Variants in EP400 observed in about 807,000 individuals in gnomAD.
EP400 encodes the protein E1A binding protein p400, also known as E1A-binding protein p400.
A neutral mutation model predicts 354.1 loss-of-function variants in EP400; 105 were observed. The observed-to-expected ratio is 0.30, with a 90% confidence interval of 0.25 to 0.35. The LOEUF (loss-of-function observed/expected upper bound fraction) is 0.35, where lower values mean the gene tolerates loss of function less well. Ranked by LOEUF, EP400 falls within the 10% of genes least tolerant of loss-of-function variation. The probability of loss-of-function intolerance (pLI) is 1.00; values close to 1 mark genes in which losing one functional copy is unlikely to be tolerated. For missense variants in EP400, 3,280 were observed against 4,121.0 expected (o/e 0.80, Z 5.59); for synonymous variants, 1,646 against 1,716.9 (o/e 0.96, Z 1.02).
chr12:132,024,372 C>G (rs998204326), intron 24 of EP400, among the ~76,000 whole-genome samples: 3 of 152,140 alleles, frequency 2.0e-5, no homozygotes, highest in African/African-American at 7.2e-5. Flanking sequence ...GACCCCATCT[C>G]TAAGTAATAG....
In EP400 at chr12:131,960,789, A is replaced by G. The variant is rs755655759; in HGVS notation, c.170A>G (p.Gln57Arg). 2.5e-6 allele frequency: 4 copies of G among 1,608,662 alleles called. No homozygotes were observed. The South Asian group carries it at 3.3e-5, about 13-fold the overall frequency. The change falls in exon 2 of 53, where the codon CAA (glutamine) becomes CGA (arginine). Residue 57 changes from glutamine (Q) to arginine (R), a missense_variant. This residue lies in a region of EP400 where 172 missense variants were observed against 242.9 expected (regional missense o/e 0.71). Coordinates refer to ENST00000389561, the MANE Select transcript of EP400 (RefSeq NM_015409.5). The stretch of plus-strand genomic sequence containing the variant: ...TCGGCACCCCAGTCTCCCAGTTATC[A>G]AATACAGCAGCTGATGAATAGGAGC... ...SPSAPQSPSY[Q>R]IQQLMNRSPA... is the part of the protein sequence containing the mutation.
chr12:132,025,627 A>G lies in EP400; in HGVS notation c.4856-19A>G, dbSNP rs1262683854. On this transcript the variant is annotated intron_variant, in intron 24 of 52. Transcript: ENST00000389561. This position sits in a 1 kb window ranked among gnomAD's most constrained non-coding sequence, Gnocchi z 4.1. ...GTACACATGCCTGTCATTGACACCT[A>G]GTGGACCTATGATTGCAGGCAGCGT... The G allele has an allele frequency of 1.3e-6, 2 of 1,582,560 alleles. No homozygotes were observed. Among genetic ancestry groups the G allele is most frequent in the Non-Finnish European group, 1.7e-6 (2 of 1,164,140 alleles).
In EP400 at chr12:132,037,775, C is replaced by T. The variant is rs544612491; in HGVS notation, c.6045C>T (p.Ser2015=). ...REVAAQGNDY[S]MAFLTQRTIQ... ...TGGCTGCTCAGGGAAATGACTACTC[C>T]ATGGCTTTCTTAACTCAGGTACTCC... The change falls in exon 31 of 53, where the codon TCC becomes TCT. Residue 2015 remains serine, a synonymous_variant. Coordinates refer to ENST00000389561, the MANE Select transcript of EP400 (RefSeq NM_015409.5). 1 of 1,614,188 alleles carries T rather than the reference C, an allele frequency of 6.2e-7. No individual in the cohort carries two copies. The highest frequency in any genetic ancestry group is 1.3e-5 in the African/African-American group (1 of 75,044).
In EP400 at chr12:132,008,278, G is replaced by A. The variant is rs141625910; in HGVS notation, c.3304+1401G>A. The stretch of plus-strand genomic sequence containing the variant: ...GTTCTTCTTAACAGTTCCCTTCTAA[G>A]CTGTTTGCATAGTTTGCCACAGCAC... On this transcript the variant is annotated intron_variant, in intron 15 of 52. Coordinates refer to ENST00000389561, the MANE Select transcript of EP400 (RefSeq NM_015409.5). Among the ~76,000 whole-genome samples, 305 of 152,290 alleles carry A rather than the reference G, an allele frequency of 2.0e-3. 1 individual carries two copies. The highest frequency in any genetic ancestry group is 6.9e-3 in the African/African-American group (288 of 41,566).
intron 1 of EP400, among the ~76,000 whole-genome samples, chr12:131,959,729 G>T (rs931271514): frequency 6.6e-6 from 1 of 152,152 alleles, no homozygotes; most frequent in African/African-American, 2.4e-5. Flanking sequence ...TCTTCTCTTC[G>T]TGTGTTCTTA....
In EP400 at chr12:132,027,120, C is replaced by T. The variant is rs1044475992; in HGVS notation, c.5015-317C>T. Among the ~76,000 whole-genome samples, 10 of 152,200 alleles carry T rather than the reference C, an allele frequency of 6.6e-5. No individual in the cohort carries two copies. The highest frequency in any genetic ancestry group is 1.4e-4 in the African/African-American group (6 of 41,534). On this transcript the variant is annotated intron_variant, in intron 25 of 52. Coordinates refer to ENST00000389561, the MANE Select transcript of EP400 (RefSeq NM_015409.5). The surrounding 1 kb of genome is among the most constrained non-coding windows in gnomAD (Gnocchi z 4.9). ...GATGGCGATGGGGTACCCAGGGCCT[C>T]GGAGGTGTGCTGGGATGCTTCTGGG...
Position 132,030,171 on chromosome 12 carries a change from T to C in EP400, c.5754+13T>C. On this transcript the variant is annotated intron_variant, in intron 29 of 52. Coordinates refer to ENST00000389561, the MANE Select transcript of EP400 (RefSeq NM_015409.5). Reference sequence around the variant, plus strand: ...TGAGCAACGGCAGGTGAGAAGCACATTGTTTACATTGTCTCTGATGGGTCA... The same window carrying C: ...TGAGCAACGGCAGGTGAGAAGCACACTGTTTACATTGTCTCTGATGGGTCA... 6.2e-7 allele frequency: 1 copy of C among 1,613,792 alleles called. No individual in the cohort carries two copies.
At chr12:132,030,182 G>T (rs992628054) in intron 29 of EP400, 24 bp downstream of exon 29, 2 of 1,612,930 alleles carry the variant, frequency 1.2e-6, no homozygotes, top group Non-Finnish European at 1.7e-6. Flanking sequence ...TGTTTACATT[G>T]TCTCTGATGG....
intron 5 of EP400, among the ~76,000 whole-genome samples, chr12:131,984,375 C>G (rs1892783891): frequency 6.6e-6 from 1 of 152,054 alleles, no homozygotes; most frequent in Non-Finnish European, 1.5e-5. Flanking sequence ...GAGGTAGAAT[C>G]TTTACTATCT....
At chr12:132,060,774 C>T (rs1465596621) in intron 45 of EP400, among the ~76,000 whole-genome samples, 4 of 151,966 alleles carry the variant, frequency 2.6e-5, no homozygotes, top group Admixed American at 6.6e-5. Context: ...ATTAGCTGGG[C>T]GTGGTGGCAC....
Position 131,990,023 on chromosome 12 carries a change from G to A in EP400, c.2469G>A (p.Lys823=). ...AGCAGCTCCGTGAAGAAAGGGGGAA[G>A]AAGGAAGAGCAGAGCAGACTGAGGC... ...EEKQLREERG[K]KEEQSRLRRI... is the part of the protein sequence containing the mutation. Residue 823 remains lysine (K), a synonymous_variant, in exon 8 of 53, where the codon AAG becomes AAA. Coordinates refer to ENST00000389561, the MANE Select transcript of EP400 (RefSeq NM_015409.5). The surrounding 1 kb of genome is among the most constrained non-coding windows in gnomAD (Gnocchi z 4.2). The A allele has an allele frequency of 6.2e-7, 1 of 1,613,766 alleles. No individual in the cohort carries two copies. Among genetic ancestry groups the A allele is most frequent in the Non-Finnish European group, 8.5e-7 (1 of 1,179,926 alleles).
Position 132,067,184 on chromosome 12 carries a change from T to A in EP400, c.8750-178T>A. 2 of 1,178,428 alleles carry A rather than the reference T, an allele frequency of 1.7e-6. No homozygotes were observed. 73.0% of individuals were successfully genotyped at this position (1,178,428 alleles called of 1,614,324 possible). ...AACATTCTGAAATTTCCGTCTTAATTTAAGTGTAATTTGTGAACCCAGAAA... is the reference window on the plus strand; with the variant it reads ...AACATTCTGAAATTTCCGTCTTAATATAAGTGTAATTTGTGAACCCAGAAA... On this transcript the variant is annotated intron_variant, in intron 49 of 52. Coordinates refer to ENST00000389561, the MANE Select transcript of EP400 (RefSeq NM_015409.5). The surrounding 1 kb of genome is among the most constrained non-coding windows in gnomAD (Gnocchi z 5.3).
intron 2 of EP400, among the ~76,000 whole-genome samples, chr12:131,970,415 A>G (rs971601501): frequency 6.6e-6 from 1 of 152,240 alleles, no homozygotes; most frequent in African/African-American, 2.4e-5. Context: ...TCATCTGGAA[A>G]AGGTGAGCAG....
Position 132,067,080 on chromosome 12 carries a change from G to C in EP400, c.8749+111G>C, listed in dbSNP as rs1895916305. The C allele has an allele frequency of 3.0e-6, 4 of 1,349,058 alleles. No individual in the cohort carries two copies. The South Asian group carries it at 6.2e-5, about 21-fold the overall frequency. The allele number at this position is 1,349,058 out of a possible 1,614,324, so 83.6% of individuals were successfully genotyped here. A position where few individuals can be genotyped will look rare whatever the true frequency, so the allele number is the denominator to read the frequency against. On this transcript the variant is annotated intron_variant, in intron 49 of 52. Coordinates refer to ENST00000389561, the MANE Select transcript of EP400 (RefSeq NM_015409.5). This position sits in a 1 kb window ranked among gnomAD's most constrained non-coding sequence, Gnocchi z 5.3. ...GTTCTTTCCTCACACCCACCCACTT[G>C]AGCGTGCCATCACGTGTTCTAGCAC...
intron 32 of EP400, among the ~76,000 whole-genome samples, chr12:132,040,227 C>T (rs1048765696): frequency 7.2e-5 from 11 of 151,938 alleles, no homozygotes; most frequent in East Asian, 1.9e-4. Flanking sequence ...CGAGTGTTGG[C>T]GAGGACATGG....
intron 34 of EP400, among the ~76,000 whole-genome samples, chr12:132,043,963 GT>G (rs1894998865): frequency 6.6e-6 from 1 of 152,174 alleles, no homozygotes. Flanking sequence ...CGTGGAGCTT[GT>G]TCTACCCCTG....
intron 21 of EP400, among the ~76,000 whole-genome samples, chr12:132,019,458 C>T (rs1246652242): frequency 6.6e-6 from 1 of 152,066 alleles, no homozygotes; most frequent in Non-Finnish European, 1.5e-5. Context: ...AATCCCAGTG[C>T]TTTGGGAAGC....
At chr12:132,046,735 C>T (rs148967046) in intron 39 of EP400, among the ~76,000 whole-genome samples, 200 of 152,340 alleles carry the variant, frequency 1.3e-3, no homozygotes, top group African/African-American at 4.7e-3. Flanking sequence ...TTTCTTCAGG[C>T]AGCTCCTTCT....
chr12:131,968,936 G>A (rs992784495), intron 2 of EP400, among the ~76,000 whole-genome samples: 1 of 151,938 alleles, frequency 6.6e-6, no homozygotes, highest in South Asian at 2.1e-4. Flanking sequence ...TTAGTTTTAG[G>A]AGCTTTTTTG....
Sources: gnomAD v4.1 joint callset for allele counts (sites outside exome capture counted in the v4.1 genomes callset) on GRCh38, gnomAD v4.1.1 for gene constraint, gnomAD v4.1.1 regional missense constraint, Gnocchi (gnomAD v3.1) non-coding constraint, MANE v1.5 for transcripts, NCBI Gene and HGNC (gene_info 2026-07-23, HGNC 2026-07-21) for gene names.